The following DTNA variants were observed in gnomAD, a reference collection of about 807,000 sequenced individuals.
The protein encoded by DTNA is dystrophin-related protein 3.
A neutral mutation model predicts 100.7 loss-of-function variants in DTNA; 43 were observed. The ratio of observed to expected loss-of-function variants is 0.43; its 90% CI spans 0.33 to 0.55. DTNA has a LOEUF of 0.55. Ranked by LOEUF, DTNA falls within the 20% of genes least tolerant of loss-of-function variation. The pLI, the probability that DTNA is intolerant of heterozygous loss-of-function variation, is 0.04. For missense variants in DTNA, 798 were observed against 953.9 expected, an observed-to-expected ratio of 0.84 and a Z score of 2.15; for synonymous variants, 349 against 347.9, an observed-to-expected ratio of 1.00 and a Z score of -0.04.
chr18:34,641,116 A>G lies in DTNA; in HGVS notation c.-1-114860A>G, dbSNP rs2730118. 9.3e-4 allele frequency among the ~76,000 whole-genome samples: 142 copies of G among 152,336 alleles called. 2 individuals are homozygous for G. Among genetic ancestry groups the G allele is most frequent in the African/African-American group, 3.3e-3 (136 of 41,576 alleles). On this transcript the variant is annotated intron_variant, in intron 1 of 19. Coordinates refer to the DTNA transcript ENST00000283365. ...ATAAAAATCTATCTAGAATATTTCT[A>G]GAACAGAGTAGATAATATATGAATA... is the stretch of plus-strand genomic sequence containing the variant.
chr18:34,798,779 G>A (rs2095093355), intron 4 of DTNA, among the ~76,000 whole-genome samples: 1 of 152,086 alleles, frequency 6.6e-6, no homozygotes. Flanking sequence ...GATGTACTCA[G>A]TATTTACTAT....
intron 1 of DTNA, among the ~76,000 whole-genome samples, chr18:34,702,310 C>T (rs1408890487): frequency 1.3e-5 from 2 of 152,170 alleles, no homozygotes; most frequent in Non-Finnish European, 2.9e-5. Context: ...AGCATGGACA[C>T]AGACTAAATT....
intron 7 of DTNA, 48 bp from the exon 8 acceptor site, chr18:34,818,116 G>T: frequency 6.2e-7 from 1 of 1,613,342 alleles, no homozygotes; most frequent in South Asian, 1.1e-5. Flanking sequence ...CCTTCTTCTG[G>T]TTCATACTTT....
At chr18:34,745,658 C>T (rs150126925) in intron 1 of DTNA, among the ~76,000 whole-genome samples, 340 of 152,276 alleles carry the variant, frequency 2.2e-3, no homozygotes, top group African/African-American at 8.1e-3. Flanking sequence ...TGCAGGTCGC[C>T]AGCAAGCTTC....
rs556240438 is a variant in DTNA at position 34,889,749 on chromosome 18, A to G, written c.*2015A>G. 1 of 986,256 alleles carries G rather than the reference A, an allele frequency of 1.0e-6. No individual in the cohort carries two copies. Among genetic ancestry groups the G allele is most frequent in the Non-Finnish European group, 1.2e-6 (1 of 830,242 alleles). The allele number at this position is 986,256 out of a possible 1,614,324, so 61.1% of individuals were successfully genotyped here. A position where few individuals can be genotyped will look rare whatever the true frequency, so the allele number is the denominator to read the frequency against. On this transcript the variant is annotated 3_prime_UTR_variant, in exon 23 of 23. Coordinates refer to ENST00000444659, the MANE Select transcript of DTNA (RefSeq NM_001386795.1). ...CCTATCCCTTGACATACTTAATCAT[A>G]TATCTCTCCAGAGAACTCACCTGAC...
At chr18:34,547,406 G>C (rs2044908416) in intron 1 of DTNA, among the ~76,000 whole-genome samples, 1 of 152,036 alleles carries the variant, frequency 6.6e-6, no homozygotes, top group Non-Finnish European at 1.5e-5. Context: ...TCTTTCTACG[G>C]ATTTGCTCTG....
At chr18:34,756,596 A>G (rs72955117) in intron 2 of DTNA, among the ~76,000 whole-genome samples, 1 of 152,170 alleles carries the variant, frequency 6.6e-6, no homozygotes, top group Non-Finnish European at 1.5e-5. Context: ...TTTTAAAAAT[A>G]CTAAGGAAAA....
intron 13 of DTNA, among the ~76,000 whole-genome samples, chr18:34,842,147 G>A (rs1359003221): frequency 6.6e-6 from 1 of 152,104 alleles, no homozygotes; most frequent in Non-Finnish European, 1.5e-5. Context: ...ACCAAGGTCT[G>A]TAGTAGACCA....
At chr18:34,511,961 A>G (rs1443048526) in intron 1 of DTNA, among the ~76,000 whole-genome samples, 1 of 151,862 alleles carries the variant, frequency 6.6e-6, no homozygotes, top group Non-Finnish European at 1.5e-5. Context: ...ATTTTCTGTT[A>G]TTTGGGGGGA....
intron 3 of DTNA, among the ~76,000 whole-genome samples, chr18:34,766,632 C>T (rs1410362685): frequency 2.6e-5 from 4 of 152,004 alleles, no homozygotes; most frequent in Admixed American, 2.6e-4. Flanking sequence ...TGTAACAAAC[C>T]TGCACATTGT....
At chr18:34,653,888 C>A (rs926650189) in intron 1 of DTNA, among the ~76,000 whole-genome samples, 8 of 152,114 alleles carry the variant, frequency 5.3e-5, no homozygotes, top group Admixed American at 2.6e-4. Context: ...CAATATCAAA[C>A]AGCTTTGAAT....
intron 6 of DTNA, among the ~76,000 whole-genome samples, chr18:34,813,846 A>C (rs181055867): frequency 0.13 from 19,054 of 150,264 alleles, 1,094 homozygotes; most frequent in South Asian, 0.15. Flanking sequence ...CATCTCAAAA[A>C]AAAAAAAAAA....
At chr18:34,705,005 T>C (rs535441746) in intron 1 of DTNA, among the ~76,000 whole-genome samples, 2 of 152,292 alleles carry the variant, frequency 1.3e-5, no homozygotes, top group South Asian at 4.1e-4. Flanking sequence ...CAGGTACTTA[T>C]TGAGTTACCT....
intron 1 of DTNA, among the ~76,000 whole-genome samples, chr18:34,656,216 T>C (rs745318163): frequency 1.1e-4 from 17 of 152,212 alleles, no homozygotes; most frequent in Non-Finnish European, 2.4e-4. Flanking sequence ...CATGTATCAG[T>C]TATGAATTTT....
intron 1 of DTNA, among the ~76,000 whole-genome samples, chr18:34,588,101 C>T (rs569648100): frequency 6.6e-6 from 1 of 152,252 alleles, no homozygotes; most frequent in Non-Finnish European, 1.5e-5. Flanking sequence ...ACCACCACAA[C>T]CCAACAATTG....
chr18:34,890,312 A>T lies in DTNA; in HGVS notation c.*2578A>T. 1 of 1,536,080 alleles carries T rather than the reference A, an allele frequency of 6.5e-7. No homozygotes were observed. Among genetic ancestry groups the T allele is most frequent in the Non-Finnish European group, 8.7e-7 (1 of 1,146,874 alleles). ...TTCTCTCTCTTAGCTCCACGTCAGC[A>T]CTGAGACCAGACTCGAGCACCCCTG... On this transcript the variant is annotated 3_prime_UTR_variant, in exon 23 of 23. Transcript: ENST00000444659.
chr18:34,583,470 T>C (rs2048829693), intron 1 of DTNA, among the ~76,000 whole-genome samples: 1 of 152,050 alleles, frequency 6.6e-6, no homozygotes, highest in African/African-American at 2.4e-5. Flanking sequence ...GATACTTGCT[T>C]AAGTCTACCC....
chr18:34,647,268 G>A (rs1276016437), intron 1 of DTNA, among the ~76,000 whole-genome samples: 1 of 152,130 alleles, frequency 6.6e-6, no homozygotes. Context: ...CCACCTACCA[G>A]TCCAGGATGG....
At chr18:34,809,703 G>A (rs1488040989) in intron 5 of DTNA, among the ~76,000 whole-genome samples, 2 of 151,988 alleles carry the variant, frequency 1.3e-5, no homozygotes, top group Admixed American at 1.3e-4. Context: ...CCTTATTGTT[G>A]GTGAACACAG....
Sources: allele counts gnomAD v4.1 joint callset (sites outside exome capture counted in the v4.1 genomes callset), GRCh38; gene constraint gnomAD v4.1.1; transcripts MANE v1.5; gene names NCBI Gene and HGNC (gene_info 2026-07-23, HGNC 2026-07-21).